The following AMBRA1 variants were observed in gnomAD, a reference collection of about 807,000 sequenced individuals.
AMBRA1 encodes autophagy and beclin 1 regulator 1, also known as activating molecule in BECN1-regulated autophagy protein 1.
A neutral mutation model predicts 125.4 loss-of-function variants in AMBRA1; 47 were observed. The observed-to-expected ratio is 0.37, with a 90% CI of 0.30 to 0.48. AMBRA1 has a LOEUF of 0.48. Ranked by LOEUF, AMBRA1 falls within the 20% of genes least tolerant of loss-of-function variation. The pLI, the probability that AMBRA1 is intolerant of heterozygous loss-of-function variation, is 0.99. For synonymous variants in AMBRA1, 626 were observed against 655.5 expected (o/e 0.95, Z 0.69); for missense variants, 1,331 against 1,693.4 (o/e 0.79, Z 3.76).
intron 8 of AMBRA1, among the ~76,000 whole-genome samples, chr11:46,511,246 T>C (rs1277314235): frequency 1.3e-5 from 2 of 152,194 alleles, no homozygotes; most frequent in South Asian, 2.1e-4. Context: ...CTTTCCCTTA[T>C]ATTTAGGGTG....
intron 11 of AMBRA1, among the ~76,000 whole-genome samples, chr11:46,481,421 CTT>C (rs745769976): frequency 3.3e-4 from 51 of 152,240 alleles, no homozygotes; most frequent in Admixed American, 5.2e-4. Context: ...GAGTTTTGCT[CTT>C]GTTGAGCTCA....
chr11:46,463,855 A>G (rs1199303675), intron 11 of AMBRA1, among the ~76,000 whole-genome samples: 1 of 152,202 alleles, frequency 6.6e-6, no homozygotes. Context: ...ACGTAACAAA[A>G]AAATTCCTGC....
chr11:46,497,007 G>GAAAA (rs976625677), intron 9 of AMBRA1, among the ~76,000 whole-genome samples: 1 of 151,980 alleles, frequency 6.6e-6, no homozygotes, highest in Non-Finnish European at 1.5e-5. Flanking sequence ...AGCTACTTGG[G>GAAAA]AGGTTAAGAC....
chr11:46,577,274 C>G (rs2043990411), intron 1 of AMBRA1, among the ~76,000 whole-genome samples: 1 of 152,080 alleles, frequency 6.6e-6, no homozygotes, highest in African/African-American at 2.4e-5. Context: ...ATTATTCAGT[C>G]ATGAAAAGGT....
intron 8 of AMBRA1, among the ~76,000 whole-genome samples, chr11:46,512,235 C>A (rs769965761): frequency 6.6e-6 from 1 of 152,234 alleles, no homozygotes; most frequent in Non-Finnish European, 1.5e-5. Flanking sequence ...CTTCTTCGGT[C>A]GTCTCTTCCT....
chr11:46,448,119 A>G (rs1239159693), intron 11 of AMBRA1, among the ~76,000 whole-genome samples: 3 of 152,228 alleles, frequency 2.0e-5, no homozygotes, highest in African/African-American at 7.2e-5. Flanking sequence ...GTTTAATCTG[A>G]AGATTAAAAT....
Position 46,507,009 on chromosome 11 carries a change from CAA to C in AMBRA1, c.2339+1180_2339+1181del, listed in dbSNP as rs1195308304. 7.5e-4 allele frequency among the ~76,000 whole-genome samples: 60 copies of C among 79,832 alleles called. No homozygotes were observed. The South Asian group carries it at 0.013, about 18-fold the overall frequency. The allele number at this position is 79,832 out of a possible 152,430, so 52.4% of individuals were successfully genotyped here. ...TGAAACCCCATCTCTACTAAAAATACAAAAAAAAAAAAAAAAAATTAGCCGGG... is the reference window on the plus strand; with the variant it reads ...TGAAACCCCATCTCTACTAAAAATACAAAAAAAAAAAAAAAATTAGCCGGG... On this transcript the variant is annotated intron_variant, in intron 9 of 17. Transcript: ENST00000683756.
At chr11:46,582,279 A>G (rs1238094063) in intron 1 of AMBRA1, among the ~76,000 whole-genome samples, 5 of 152,102 alleles carry the variant, frequency 3.3e-5, no homozygotes, top group African/African-American at 4.8e-5. Flanking sequence ...TGAGAATTTC[A>G]TACATGCTAT....
intron 15 of AMBRA1, among the ~76,000 whole-genome samples, chr11:46,414,431 C>A (rs1249156397): frequency 6.6e-6 from 1 of 152,232 alleles, no homozygotes; most frequent in Non-Finnish European, 1.5e-5. Context: ...AGGAGCCCCA[C>A]AGTTGGCCAA....
At chr11:46,548,561 A>C (rs189777217) in intron 1 of AMBRA1, 61 bp from the exon 2 acceptor site, 2 of 646,528 alleles carry the variant, frequency 3.1e-6, no homozygotes, top group Admixed American at 3.1e-5. Context: ...TCTAATTGCA[A>C]ATACAATTCT....
At chr11:46,458,391 T>C (rs759251932) in intron 11 of AMBRA1, among the ~76,000 whole-genome samples, 2 of 152,132 alleles carry the variant, frequency 1.3e-5, no homozygotes, top group Non-Finnish European at 2.9e-5. Flanking sequence ...CTACACACTA[T>C]TAGCTGTTTT....
chr11:46,515,102 C>T (rs1476731055), intron 7 of AMBRA1, among the ~76,000 whole-genome samples: 1 of 152,176 alleles, frequency 6.6e-6, no homozygotes, highest in Non-Finnish European at 1.5e-5. Context: ...AATGTCACCA[C>T]CTGTTGTGTT....
chr11:46,411,115 GA>G (rs1311400190), intron 15 of AMBRA1, among the ~76,000 whole-genome samples: 111 of 115,604 alleles, frequency 9.6e-4, no homozygotes, highest in Admixed American at 1.9e-3. Flanking sequence ...AAAAAAAAAA[GA>G]AAAAAAAAAA....
intron 7 of AMBRA1, among the ~76,000 whole-genome samples, chr11:46,533,185 A>T (rs189684894): frequency 6.6e-6 from 1 of 152,108 alleles, no homozygotes; most frequent in Non-Finnish European, 1.5e-5. Flanking sequence ...AAAAAGGAAA[A>T]GAATTAAAAT....
intron 1 of AMBRA1, among the ~76,000 whole-genome samples, chr11:46,573,357 T>C (rs1158360799): frequency 1.3e-5 from 2 of 150,444 alleles, no homozygotes; most frequent in African/African-American, 2.4e-5. Context: ...TGAGCCGAGA[T>C]CAAGCCACTA....
At chr11:46,523,952 T>C (rs916463554) in intron 7 of AMBRA1, among the ~76,000 whole-genome samples, 2 of 152,200 alleles carry the variant, frequency 1.3e-5, no homozygotes, top group African/African-American at 4.8e-5. Flanking sequence ...CACCGCAACC[T>C]TCACCTCCTG....
chr11:46,418,973 G>C (rs1156576077), intron 14 of AMBRA1, among the ~76,000 whole-genome samples: 1 of 152,106 alleles, frequency 6.6e-6, no homozygotes, highest in African/African-American at 2.4e-5. Context: ...CACAGCAATG[G>C]GGAATTGGAG....
intron 14 of AMBRA1, among the ~76,000 whole-genome samples, chr11:46,423,206 C>T (rs1026662461): frequency 9.2e-5 from 14 of 151,994 alleles, no homozygotes; most frequent in Admixed American, 5.9e-4. Context: ...ATACCTTGGC[C>T]ATCTTTTCTT....
intron 1 of AMBRA1, among the ~76,000 whole-genome samples, chr11:46,568,803 C>CTTTTTTTTTTTTTTTTTTTTTTTTT (rs774631588): frequency 4.1e-5 from 4 of 96,478 alleles, no homozygotes; most frequent in African/African-American, 1.8e-4. Context: ...TCAACCCTAC[C>CTTTTTTTTTTTTTTTTTTTTTTTTT]TTTTTTTTTT....
Sources: allele counts gnomAD v4.1 joint callset (sites outside exome capture counted in the v4.1 genomes callset), GRCh38; gene constraint gnomAD v4.1.1; transcripts MANE v1.5; gene names NCBI Gene and HGNC (gene_info 2026-07-23, HGNC 2026-07-21).